Variants in ADGRV1 observed in about 807,000 individuals in gnomAD.
ADGRV1 encodes adhesion G protein-coupled receptor V1, also known as G-protein coupled receptor 98.
In ADGRV1, 359 loss-of-function variants were observed where a neutral mutation model predicts 596.2. That is an observed-to-expected ratio of 0.60 (90% CI 0.55 to 0.66). ADGRV1 has a LOEUF of 0.66. ADGRV1 is among the 30% of genes least tolerant of loss of function. The probability of loss-of-function intolerance (pLI) is 0.00; values close to 1 mark genes in which losing one functional copy is unlikely to be tolerated. For missense variants in ADGRV1, 7,274 were observed against 7,575.6 expected, an observed-to-expected ratio of 0.96 and a Z score of 1.48; for synonymous variants, 2,681 against 2,679.2, an observed-to-expected ratio of 1.00 and a Z score of -0.02.
At chr5:90,739,116 G>A (rs1224653615) in intron 50 of ADGRV1, among the ~76,000 whole-genome samples, 2 of 151,608 alleles carry the variant, frequency 1.3e-5, no homozygotes, top group Non-Finnish European at 2.9e-5. Context: ...AATAGTCATT[G>A]TATTCCTTAT....
chr5:90,626,396 T>C (rs1363725471), intron 6 of ADGRV1: 1 of 152,200 alleles, frequency 6.6e-6, no homozygotes, highest in African/African-American at 2.4e-5. Context: ...TACATTTTGA[T>C]TGTAAATTTG....
intron 88 of ADGRV1, among the ~76,000 whole-genome samples, chr5:91,152,593 CT>C (rs1796151534): frequency 6.6e-6 from 1 of 152,142 alleles, no homozygotes; most frequent in Non-Finnish European, 1.5e-5. Flanking sequence ...ATTAAATTGT[CT>C]CAGGGAGAGA....
intron 78 of ADGRV1, chr5:90,846,459 C>T (rs774509979): frequency 2.1e-4 from 37 of 173,608 alleles, no homozygotes; most frequent in Non-Finnish European, 4.1e-4. Context: ...GTCCTGTGTC[C>T]GGAATTGGTG....
chr5:90,925,035 C>A (rs1456726885), intron 83 of ADGRV1, among the ~76,000 whole-genome samples: 1 of 151,402 alleles, frequency 6.6e-6, no homozygotes, highest in African/African-American at 2.4e-5. Flanking sequence ...GTTACTGTAG[C>A]CTTGTGGTAT....
At chr5:90,897,925 C>T (rs1213317407) in intron 83 of ADGRV1, among the ~76,000 whole-genome samples, 1 of 152,122 alleles carries the variant, frequency 6.6e-6, no homozygotes, top group Non-Finnish European at 1.5e-5. Context: ...GGGTGTTGTG[C>T]CCTGTCACCA....
chr5:91,013,395 A>G (rs1490494840), intron 85 of ADGRV1, among the ~76,000 whole-genome samples: 2 of 152,002 alleles, frequency 1.3e-5, no homozygotes, highest in African/African-American at 2.4e-5. Flanking sequence ...CCTTTTTAAT[A>G]ATACCTGTTC....
At chr5:90,775,536 G>A (rs777674482) in intron 60 of ADGRV1, among the ~76,000 whole-genome samples, 1 of 152,176 alleles carries the variant, frequency 6.6e-6, no homozygotes, top group East Asian at 1.9e-4. Flanking sequence ...CAGTGCAGTG[G>A]TGTGATCACA....
At chr5:91,098,158 C>G (rs1562215801) in intron 86 of ADGRV1, among the ~76,000 whole-genome samples, 1 of 152,176 alleles carries the variant, frequency 6.6e-6, no homozygotes, top group African/African-American at 2.4e-5. Context: ...AGTAGTTCAT[C>G]AAATGCGAAA....
chr5:90,642,807 A>G (rs773125271), intron 12 of ADGRV1, 45 bp downstream of exon 12: 34 of 1,604,186 alleles, frequency 2.1e-5, no homozygotes, highest in Non-Finnish European at 2.8e-5. Context: ...TCACAACTTT[A>G]GAAGAATGAT....
intron 85 of ADGRV1, among the ~76,000 whole-genome samples, chr5:91,056,186 T>C (rs1368677714): frequency 6.6e-6 from 1 of 152,176 alleles, no homozygotes; most frequent in Non-Finnish European, 1.5e-5. Flanking sequence ...TTGGGCCCTT[T>C]CTGTTGCCCA....
At position 90,674,123 on chromosome 5, in the gene ADGRV1, T is replaced by C. The variant is rs767036402; in HGVS notation, c.4999T>C (p.Ser1667Pro). 6.2e-7 allele frequency: 1 copy of C among 1,613,590 alleles called. No individual in the cohort carries two copies. Among genetic ancestry groups the C allele is most frequent in the Non-Finnish European group, 8.5e-7 (1 of 1,179,602 alleles). The change falls in exon 23 of 90, where the codon TCT (serine) becomes CCT (proline). Residue 1667 changes from serine (S) to proline (P), a missense_variant. By Grantham distance (74) the Ser-to-Pro change is moderately conservative. This residue lies in a region of ADGRV1 where 3,643 missense variants were observed against 3,809.2 expected (regional missense o/e 0.96). Coordinates refer to ENST00000405460, the MANE Select transcript of ADGRV1 (RefSeq NM_032119.4). The part of the protein sequence containing the change: ...LNEYFRVTLV[S>P]AIPGDGKLGS... ...TGAGTATTTCCGTGTGACATTGGTT[T>C]CTGCAATTCCTGGAGATGGGAAGCT...
intron 85 of ADGRV1, among the ~76,000 whole-genome samples, chr5:91,069,032 A>G (rs6883277): frequency 6.6e-6 from 1 of 152,162 alleles, no homozygotes; most frequent in African/African-American, 2.4e-5. Flanking sequence ...ACAAGAACAA[A>G]TGACAGGGAA....
In ADGRV1 at chr5:90,931,389, A is replaced by G. The variant is rs78766104; in HGVS notation, c.17857-34026A>G. ...AAGTTAGTCACTTATCCAAGAATGT[A>G]TCCAGCTCACTTAATGAAGCTAGCT... On this transcript the variant is annotated intron_variant, in intron 83 of 89. Transcript: ENST00000405460. Among the ~76,000 whole-genome samples, 534 of 152,324 alleles carry G rather than the reference A, an allele frequency of 3.5e-3. 3 individuals carry two copies. The highest frequency in any genetic ancestry group is 0.012 in the African/African-American group (513 of 41,576).
intron 41 of ADGRV1, among the ~76,000 whole-genome samples, chr5:90,711,623 A>T (rs540174547): frequency 6.6e-6 from 1 of 152,304 alleles, no homozygotes; most frequent in South Asian, 2.1e-4. Flanking sequence ...ATATCATTAG[A>T]TAATCTTCCC....
intron 9 of ADGRV1, among the ~76,000 whole-genome samples, chr5:90,632,395 A>G (rs1472492912): frequency 6.6e-6 from 1 of 152,142 alleles, no homozygotes; most frequent in African/African-American, 2.4e-5. Context: ...TTATCATTTG[A>G]GCTTTCTAAT....
chr5:91,000,668 C>CTCTG (rs372074690), intron 85 of ADGRV1, among the ~76,000 whole-genome samples: 1 of 141,154 alleles, frequency 7.1e-6, no homozygotes, highest in Non-Finnish European at 1.5e-5. Flanking sequence ...CTTACAGGAT[C>CTCTG]TGTGTGTGTG....
At chr5:91,085,456 A>G (rs1201798321) in intron 86 of ADGRV1, among the ~76,000 whole-genome samples, 1 of 152,148 alleles carries the variant, frequency 6.6e-6, no homozygotes, top group African/African-American at 2.4e-5. Context: ...AACAGATTCT[A>G]CTGCCCTGAA....
At chr5:90,899,349 A>G (rs545813245) in intron 83 of ADGRV1, 2 of 152,270 alleles carry the variant, frequency 1.3e-5, no homozygotes, top group African/African-American at 4.8e-5. Context: ...TCAGGGTGGT[A>G]TTTCTGGCCT....
intron 87 of ADGRV1, among the ~76,000 whole-genome samples, chr5:91,144,214 T>G (rs545662464): frequency 9.1e-4 from 138 of 152,308 alleles, no homozygotes; most frequent in African/African-American, 3.2e-3. Context: ...ATACCTCCCC[T>G]TCTGCAGCCA....
Sources: allele counts gnomAD v4.1 joint callset (sites outside exome capture counted in the v4.1 genomes callset), GRCh38; gene constraint gnomAD v4.1.1; regional missense constraint gnomAD v4.1.1; transcripts MANE v1.5; gene names NCBI Gene and HGNC (gene_info 2026-07-23, HGNC 2026-07-21).